The following PPARGC1A variants were observed in gnomAD, a reference collection of about 807,000 sequenced individuals.
PPARGC1A encodes PPARG coactivator 1 alpha.
In PPARGC1A, 25 loss-of-function variants were observed where a neutral mutation model predicts 88.7. The ratio of observed to expected loss-of-function variants is 0.28; its 90% CI spans 0.21 to 0.39. PPARGC1A has a LOEUF of 0.39. Ranked by LOEUF, PPARGC1A falls within the 10% of genes least tolerant of loss-of-function variation. PPARGC1A has a pLI of 1.00. For synonymous variants in PPARGC1A, 363 were observed against 355.6 expected (o/e 1.02, Z -0.24); for missense variants, 880 against 968.7 (o/e 0.91, Z 1.22).
At chr4:24,179,887 A>C in the PPARGC1A span, among the ~76,000 whole-genome samples, 1,876 of 152,288 alleles carry the variant, frequency 0.012, 46 homozygotes, top group African/African-American at 0.043. Context: ...GAGAGGGCTA[A>C]TGTCACATTA....
chr4:24,266,532 A>G, the PPARGC1A span, among the ~76,000 whole-genome samples: 1 of 152,132 alleles, frequency 6.6e-6, no homozygotes, highest in Non-Finnish European at 1.5e-5. Flanking sequence ...AGGAACTTAC[A>G]TTATCCCAGA....
chr4:23,934,054 CCT>C, the PPARGC1A span, among the ~76,000 whole-genome samples: 42 of 152,224 alleles, frequency 2.8e-4, no homozygotes, highest in East Asian at 6.6e-3. Flanking sequence ...TATTAGAATC[CCT>C]CTGTTAGAAT....
chr4:24,203,686 G>A, the PPARGC1A span, among the ~76,000 whole-genome samples: 2 of 152,248 alleles, frequency 1.3e-5, no homozygotes, highest in Admixed American at 6.5e-5. Flanking sequence ...CTGCAGACTC[G>A]CAGAGGGCGA....
the PPARGC1A span, among the ~76,000 whole-genome samples, chr4:23,974,111 C>G: frequency 6.6e-6 from 1 of 151,934 alleles, no homozygotes. Context: ...ATTAGTAGAT[C>G]GAGAGCTAAG....
intron 1 of PPARGC1A, among the ~76,000 whole-genome samples, chr4:23,885,483 G>T (rs1319210463): frequency 6.6e-6 from 1 of 152,124 alleles, no homozygotes; most frequent in Non-Finnish European, 1.5e-5. Context: ...AAAGCCCTTT[G>T]ACTCATCTGT....
chr4:24,109,699 A>T, the PPARGC1A span, among the ~76,000 whole-genome samples: 4 of 152,306 alleles, frequency 2.6e-5, no homozygotes, highest in East Asian at 7.7e-4. Flanking sequence ...TTGAAAATAG[A>T]TCCTGAGTAG....
chr4:24,102,278 A>G, the PPARGC1A span, among the ~76,000 whole-genome samples: 1 of 152,236 alleles, frequency 6.6e-6, no homozygotes, highest in Non-Finnish European at 1.5e-5. Context: ...ATGGTACCCT[A>G]AACTATAGAT....
the PPARGC1A span, among the ~76,000 whole-genome samples, chr4:23,957,821 T>G: frequency 1.3e-5 from 2 of 152,164 alleles, no homozygotes; most frequent in East Asian, 1.9e-4. Flanking sequence ...ATTTATAATT[T>G]TATTAATCAA....
At chr4:23,858,295 C>T (rs757885825) in intron 2 of PPARGC1A, among the ~76,000 whole-genome samples, 1 of 152,102 alleles carries the variant, frequency 6.6e-6, no homozygotes, top group Admixed American at 6.5e-5. Context: ...ATTTTTTTTA[C>T]TCCCTGGTTC....
chr4:24,282,728 G>T, the PPARGC1A span, among the ~76,000 whole-genome samples: 1 of 152,286 alleles, frequency 6.6e-6, no homozygotes, highest in East Asian at 1.9e-4. Context: ...AGTCAGTGAG[G>T]TCTCCCTCAG....
At chr4:24,460,858 TAA>T in the PPARGC1A span, among the ~76,000 whole-genome samples, 6 of 152,262 alleles carry the variant, frequency 3.9e-5, no homozygotes, top group Non-Finnish European at 7.3e-5. Context: ...TGAAGTATAA[TAA>T]ATCCAAATAA....
the PPARGC1A span, among the ~76,000 whole-genome samples, chr4:24,406,900 G>A: frequency 1.3e-5 from 2 of 152,190 alleles, no homozygotes; most frequent in Non-Finnish European, 2.9e-5. Context: ...CATGTTCCCT[G>A]GAGAAAGGGA....
chr4:24,097,264 CA>C, the PPARGC1A span, among the ~76,000 whole-genome samples: 2 of 152,030 alleles, frequency 1.3e-5, no homozygotes, highest in Non-Finnish European at 2.9e-5. Context: ...GAGGAGAAAA[CA>C]AAAAAGTCTG....
the PPARGC1A span, among the ~76,000 whole-genome samples, chr4:24,144,969 CT>C: frequency 1.9e-4 from 29 of 149,324 alleles, no homozygotes; most frequent in South Asian, 5.8e-3. Flanking sequence ...AAAGTACTAA[CT>C]TTTTTAGTCT....
At chr4:24,275,704 C>A in the PPARGC1A span, among the ~76,000 whole-genome samples, 1 of 152,174 alleles carries the variant, frequency 6.6e-6, no homozygotes, top group Non-Finnish European at 1.5e-5. Flanking sequence ...CTGCTCAGAG[C>A]TAGTGCAGCA....
chr4:24,469,965 C>T, the PPARGC1A span, among the ~76,000 whole-genome samples: 1 of 152,136 alleles, frequency 6.6e-6, no homozygotes, highest in Admixed American at 6.5e-5. Flanking sequence ...TTGTTTCTAT[C>T]TCGTTAAAGA....
chr4:24,121,292 G>A, the PPARGC1A span, among the ~76,000 whole-genome samples: 13 of 152,200 alleles, frequency 8.5e-5, no homozygotes, highest in African/African-American at 2.6e-4. Context: ...CTTCTCCCAC[G>A]CCTGTTTTTC....
chr4:23,806,265 A>G (rs556930242), intron 10 of PPARGC1A, among the ~76,000 whole-genome samples: 1 of 152,348 alleles, frequency 6.6e-6, no homozygotes, highest in Non-Finnish European at 1.5e-5. Flanking sequence ...AATAAAAGGC[A>G]TCCAAATGCC....
At chr4:24,241,703 A>C in the PPARGC1A span, among the ~76,000 whole-genome samples, 1 of 152,258 alleles carries the variant, frequency 6.6e-6, no homozygotes, top group Non-Finnish European at 1.5e-5. Flanking sequence ...GAGAATAAGC[A>C]AAAATTTCAG....
Sources: gnomAD v4.1 joint callset for allele counts (sites outside exome capture counted in the v4.1 genomes callset) on GRCh38, gnomAD v4.1.1 for gene constraint, MANE v1.5 for transcripts, NCBI Gene and HGNC (gene_info 2026-07-23, HGNC 2026-07-21) for gene names.